The following RBFOX1 variants were observed in gnomAD, a reference collection of about 807,000 sequenced individuals.
RBFOX1 encodes the protein RNA binding fox-1 homolog 1, also known as RNA binding protein fox-1 homolog 1.
Under a neutral mutation model 57.7 loss-of-function variants are expected in RBFOX1, and 8 were observed. That is an observed-to-expected ratio of 0.14 (90% CI 0.08 to 0.25). The LOEUF (loss-of-function observed/expected upper bound fraction) is 0.25. RBFOX1 is among the 10% of genes least tolerant of loss of function. The pLI is 1.00. For missense variants in RBFOX1, 611 were observed against 548.5 expected, an observed-to-expected ratio of 1.11 and a Z score of -1.14; for synonymous variants, 326 against 222.4, an observed-to-expected ratio of 1.47 and a Z score of -4.15.
At chr16:7,554,664 T>G (rs968714825) in intron 5 of RBFOX1, among the ~76,000 whole-genome samples, 1 of 151,700 alleles carries the variant, frequency 6.6e-6, no homozygotes, top group Non-Finnish European at 1.5e-5. Flanking sequence ...TTTTTTTTAA[T>G]TTTTTTATTT....
At chr16:6,158,309 A>T (rs1438220471) in intron 1 of RBFOX1, among the ~76,000 whole-genome samples, 1 of 152,222 alleles carries the variant, frequency 6.6e-6, no homozygotes. Flanking sequence ...CACCTACAGC[A>T]ATCAGATATT....
chr16:7,047,890 A>G (rs894813304), intron 3 of RBFOX1, among the ~76,000 whole-genome samples: 1 of 150,390 alleles, frequency 6.6e-6, no homozygotes, highest in Non-Finnish European at 1.5e-5. Context: ...TTAATTAATT[A>G]TTTTTTTTGA....
intron 12 of RBFOX1, among the ~76,000 whole-genome samples, chr16:7,659,435 T>C (rs2067136799): frequency 6.6e-6 from 1 of 152,162 alleles, no homozygotes; most frequent in Non-Finnish European, 1.5e-5. Context: ...CTGTATTTAG[T>C]ATAAATACTA....
chr16:6,657,766 G>C (rs972654683), intron 3 of RBFOX1, among the ~76,000 whole-genome samples: 1 of 152,112 alleles, frequency 6.6e-6, no homozygotes, highest in Non-Finnish European at 1.5e-5. Flanking sequence ...GGCCTATGTG[G>C]ATTTTTACGA....
chr16:6,133,148 G>A (rs2096641812), intron 1 of RBFOX1, among the ~76,000 whole-genome samples: 1 of 151,924 alleles, frequency 6.6e-6, no homozygotes, highest in Non-Finnish European at 1.5e-5. Context: ...AAACTTCTGT[G>A]ATGCTGGGGC....
chr16:7,477,124 G>A (rs1037959118), intron 4 of RBFOX1, among the ~76,000 whole-genome samples: 10 of 151,810 alleles, frequency 6.6e-5, no homozygotes, highest in Admixed American at 5.3e-4. Flanking sequence ...ACTTTTTGTT[G>A]TTAAGACCTG....
intron 4 of RBFOX1, among the ~76,000 whole-genome samples, chr16:7,162,386 A>T (rs571638338): frequency 2.0e-5 from 3 of 152,066 alleles, no homozygotes; most frequent in African/African-American, 4.8e-5. Context: ...CTATAAATAT[A>T]ATTTAGCAAA....
chr16:5,628,973 A>G (rs755514646), intron 3 of RBFOX1, among the ~76,000 whole-genome samples: 27 of 152,222 alleles, frequency 1.8e-4, no homozygotes, highest in Non-Finnish European at 2.9e-4. Context: ...CCAAATGTCA[A>G]CAGAGTAAAC....
intron 3 of RBFOX1, among the ~76,000 whole-genome samples, chr16:5,688,475 G>A (rs1210638614): frequency 1.3e-5 from 2 of 152,118 alleles, no homozygotes; most frequent in Non-Finnish European, 1.5e-5. Flanking sequence ...CCTCTTGAAC[G>A]ATGCATTTCC....
chr16:5,455,618 T>A (rs1218074142), intron 1 of RBFOX1, among the ~76,000 whole-genome samples: 1 of 152,232 alleles, frequency 6.6e-6, no homozygotes, highest in East Asian at 1.9e-4. Context: ...TTTACTCATC[T>A]GGATTCCCTT....
chr16:6,128,726 C>G (rs2096607859), intron 1 of RBFOX1, among the ~76,000 whole-genome samples: 1 of 152,162 alleles, frequency 6.6e-6, no homozygotes, highest in South Asian at 2.1e-4. Flanking sequence ...TCCAGGGTGA[C>G]AGACTTCACC....
At chr16:6,982,923 G>C (rs1019375556) in intron 3 of RBFOX1, among the ~76,000 whole-genome samples, 2 of 149,674 alleles carry the variant, frequency 1.3e-5, no homozygotes, top group African/African-American at 4.9e-5. Context: ...GAACCCAGGA[G>C]GTGGAGGTTG....
At chr16:6,950,189 C>T (rs897729478) in intron 3 of RBFOX1, among the ~76,000 whole-genome samples, 1 of 150,422 alleles carries the variant, frequency 6.6e-6, no homozygotes, top group Admixed American at 6.6e-5. Flanking sequence ...AACTCCTGAC[C>T]TCAAGTGATC....
rs528680324 is a variant in RBFOX1 at position 5,360,131 on chromosome 16, A to T, written c.220-107085A>T. The stretch of plus-strand genomic sequence containing the variant: ...CCTTTGAGGACAGAGACAGTTCTGG[A>T]TGTTGCTCCATAGGCTCCTGATCAT... On this transcript the variant is annotated intron_variant, in intron 1 of 2. Coordinates refer to the RBFOX1 transcript ENST00000585867. Among the ~76,000 whole-genome samples the T allele has an allele frequency of 2.0e-5, 3 of 152,238 alleles. No individual in the cohort carries two copies. In the East Asian group the frequency reaches 5.8e-4, roughly 29 times the overall value.
At chr16:6,469,830 T>G (rs1256048059) in intron 2 of RBFOX1, among the ~76,000 whole-genome samples, 1 of 152,114 alleles carries the variant, frequency 6.6e-6, no homozygotes, top group East Asian at 1.9e-4. Context: ...TAAGTGGGAG[T>G]TAGGAATCCT....
At chr16:6,866,231 T>G (rs1209366055) in intron 3 of RBFOX1, among the ~76,000 whole-genome samples, 1 of 152,146 alleles carries the variant, frequency 6.6e-6, no homozygotes, top group Non-Finnish European at 1.5e-5. Flanking sequence ...CATCATTTTT[T>G]AAGGTTCTGG....
chr16:6,336,111 C>T (rs1168781138), intron 2 of RBFOX1, among the ~76,000 whole-genome samples: 1 of 123,346 alleles, frequency 8.1e-6, no homozygotes, highest in East Asian at 2.6e-4. Flanking sequence ...AATAAGAAGG[C>T]TTAAATAACT....
chr16:7,480,031 A>G (rs984086559), intron 4 of RBFOX1, among the ~76,000 whole-genome samples: 3 of 152,156 alleles, frequency 2.0e-5, no homozygotes, highest in Non-Finnish European at 2.9e-5. Flanking sequence ...ACCGATGTCC[A>G]TGTGCTGACT....
intron 4 of RBFOX1, among the ~76,000 whole-genome samples, chr16:7,384,794 T>C (rs187397883): frequency 5.3e-5 from 8 of 152,332 alleles, no homozygotes; most frequent in Non-Finnish European, 1.0e-4. Flanking sequence ...CGCTGGGTAT[T>C]CAGTGGTATA....
Sources: allele counts gnomAD v4.1 joint callset (sites outside exome capture counted in the v4.1 genomes callset), GRCh38; gene constraint gnomAD v4.1.1; transcripts MANE v1.5; gene names NCBI Gene and HGNC (gene_info 2026-07-23, HGNC 2026-07-21).